EREG: variants seen among roughly 807,000 people sequenced by gnomAD.
EREG encodes epiregulin.
EREG carries 23 observed loss-of-function variants against 22.4 expected under a neutral mutation model. The ratio of observed to expected loss-of-function variants is 1.03; its 90% CI spans 0.74 to 1.46. EREG has a LOEUF of 1.46. EREG is among the 40% of genes most tolerant of loss of function. The pLI is 0.00. For missense variants in EREG, 226 were observed against 205.9 expected, an observed-to-expected ratio of 1.10 and a Z score of -0.60; for synonymous variants, 100 against 75.4, an observed-to-expected ratio of 1.33 and a Z score of -1.69.
At chr4:74,383,386 G>C (rs1752512756) in intron 4 of EREG, among the ~76,000 whole-genome samples, 1 of 152,072 alleles carries the variant, frequency 6.6e-6, no homozygotes, top group South Asian at 2.1e-4. Flanking sequence ...TTATCTTACA[G>C]TTTAAGGCAG....
chr4:74,374,138 T>C (rs780575015), intron 1 of EREG, among the ~76,000 whole-genome samples: 1 of 152,248 alleles, frequency 6.6e-6, no homozygotes, highest in African/African-American at 2.4e-5. Context: ...TGCACAAGTT[T>C]GCTTTTCTGG....
At position 74,379,481 on chromosome 4, in the gene EREG, CTG is replaced by C. The variant is rs773064799; in HGVS notation, c.104_105del (p.Val35AspfsTer11). On this transcript the variant is annotated frameshift_variant, in exon 2 of 5. Coordinates refer to ENST00000244869, the MANE Select transcript of EREG (RefSeq NM_001432.3). LOFTEE classifies it high-confidence loss of function. Reference sequence around the variant, plus strand: ...CTTCTACAGGCAGTCCTCAGTACAACTGTGATTCCATCATGTATCCCAGGAGA... The same window carrying C: ...CTTCTACAGGCAGTCCTCAGTACAACTGATTCCATCATGTATCCCAGGAGA... 2 of 1,612,276 alleles carry C rather than the reference CTG, an allele frequency of 1.2e-6. No individual in the cohort carries two copies.
intron 4 of EREG, among the ~76,000 whole-genome samples, chr4:74,383,465 A>G (rs1752514427): frequency 6.6e-6 from 1 of 152,210 alleles, no homozygotes; most frequent in Non-Finnish European, 1.5e-5. Flanking sequence ...CAGTCCCCCA[A>G]AACAGTCGTA....
In EREG at chr4:74,382,765, C is replaced by G; in HGVS notation, c.399C>G (p.Val133=). 10 of 1,613,346 alleles carry G rather than the reference C, an allele frequency of 6.2e-6. No homozygotes were observed. The highest frequency in any genetic ancestry group is 8.5e-6 in the Non-Finnish European group (10 of 1,179,694). ...TTATTATTTTGTTTCTTATCACAGT[C>G]GTCGGTTCCACATATTATTTCTGCA... ...VILIILFLIT[V]VGSTYYFCRW... The change falls in exon 4 of 5, where the codon GTC becomes GTG. Residue 133 remains valine (V), a synonymous_variant. Coordinates refer to ENST00000244869, the MANE Select transcript of EREG (RefSeq NM_001432.3).
chr4:74,372,800 ACTTTTTTTTT>A (rs905226066), intron 1 of EREG, among the ~76,000 whole-genome samples: 3 of 91,762 alleles, frequency 3.3e-5, no homozygotes, highest in Non-Finnish European at 4.2e-5. Context: ...TTTAAATTGT[ACTTTTTTTTT>A]TTTTTTTTTT....
At chr4:74,371,683 A>G (rs954674747) in intron 1 of EREG, among the ~76,000 whole-genome samples, 23 of 152,156 alleles carry the variant, frequency 1.5e-4, no homozygotes, top group Admixed American at 1.5e-3. Context: ...ATCTCCAAAT[A>G]AATTCTTATT....
chr4:74,378,291 G>T (rs138947357), intron 1 of EREG, among the ~76,000 whole-genome samples: 1 of 151,956 alleles, frequency 6.6e-6, no homozygotes, highest in Non-Finnish European at 1.5e-5. Flanking sequence ...TAGTTATCAC[G>T]CACCCTAGGC....
chr4:74,373,351 A>C (rs939442783), intron 1 of EREG, among the ~76,000 whole-genome samples: 1 of 152,038 alleles, frequency 6.6e-6, no homozygotes, highest in African/African-American at 2.4e-5. Context: ...CTAGAAACAC[A>C]TGGCATATTA....
chr4:74,377,813 C>T (rs981757386), intron 1 of EREG, among the ~76,000 whole-genome samples: 3 of 152,148 alleles, frequency 2.0e-5, no homozygotes, highest in African/African-American at 7.2e-5. Flanking sequence ...AGAACTCACT[C>T]ACTATCCTGA....
intron 4 of EREG, among the ~76,000 whole-genome samples, chr4:74,383,697 G>C (rs1159675743): frequency 6.6e-6 from 1 of 152,092 alleles, no homozygotes; most frequent in Non-Finnish European, 1.5e-5. Flanking sequence ...TGTGAAAGTA[G>C]TGCACTTCCA....
Position 74,379,515 on chromosome 4 carries a change from T to C in EREG, c.135T>C (p.Ser45=), listed in dbSNP as rs778394820. 1.2e-6 allele frequency: 2 copies of C among 1,608,286 alleles called. No individual in the cohort carries two copies. The highest frequency in any genetic ancestry group is 1.1e-5 in the South Asian group (1 of 90,972). Residue 45 remains serine, a synonymous_variant, in exon 2 of 5, where the codon AGT becomes AGC. Transcript: ENST00000244869. ...VIPSCIPGES[S]DNCTALVQTE... ...CATCATGTATCCCAGGAGAGTCCAG[T>C]GATAACTGCACAGCTTTAGGTAAGC...
At position 74,381,104 on chromosome 4, in the gene EREG, T is replaced by A. The variant is rs776578500; in HGVS notation, c.245T>A (p.Ile82Asn). The A allele has an allele frequency of 6.2e-7, 1 of 1,613,394 alleles. No individual in the cohort carries two copies. Among genetic ancestry groups the A allele is most frequent in the Non-Finnish European group, 8.5e-7 (1 of 1,179,652 alleles). Residue 82 changes from isoleucine (I) to asparagine (N), a missense_variant, in exon 3 of 5, where the codon ATC (isoleucine) becomes AAC (asparagine). By Grantham distance (149) the Ile-to-Asn change is moderately radical. Coordinates refer to ENST00000244869, the MANE Select transcript of EREG (RefSeq NM_001432.3). ...GGCTATTGTTTGCATGGACAGTGCA[T>A]CTATCTGGTGGACATGAGTCAAAAC... is the stretch of plus-strand genomic sequence containing the variant. ...MNGYCLHGQCIYLVDMSQNYC... is the reference protein window; with the variant it reads ...MNGYCLHGQCNYLVDMSQNYC...
chr4:74,375,306 CTTTTTTTTTTTTT>C (rs71219383), intron 1 of EREG, among the ~76,000 whole-genome samples: 8 of 61,012 alleles, frequency 1.3e-4, no homozygotes, highest in African/African-American at 4.3e-4. Flanking sequence ...ACTAGCGATT[CTTTTTTTTTTTTT>C]TTTTTTTTTT....
At chr4:74,368,753 T>C (rs540451457) in intron 1 of EREG, among the ~76,000 whole-genome samples, 1 of 152,214 alleles carries the variant, frequency 6.6e-6, no homozygotes, top group Non-Finnish European at 1.5e-5. Flanking sequence ...ACTTTGAGTG[T>C]AGGCCTGTAC....
chr4:74,371,799 C>T (rs947794298), intron 1 of EREG, among the ~76,000 whole-genome samples: 2 of 151,794 alleles, frequency 1.3e-5, no homozygotes, highest in Admixed American at 6.6e-5. Flanking sequence ...TGCCCAAATG[C>T]CACCACAAGC....
intron 1 of EREG, among the ~76,000 whole-genome samples, chr4:74,376,953 C>T (rs139737509): frequency 3.6e-4 from 55 of 152,206 alleles, no homozygotes; most frequent in African/African-American, 1.3e-3. Context: ...AATATACAAT[C>T]GGCTTAACAG....
chr4:74,381,779 A>G (rs934316262), intron 3 of EREG: 3 of 147,590 alleles, frequency 2.0e-5, no homozygotes, highest in African/African-American at 7.5e-5. Flanking sequence ...GATCAAGACC[A>G]TCCTGGCGAA....
At chr4:74,378,192 T>G (rs950457976) in intron 1 of EREG, among the ~76,000 whole-genome samples, 22 of 152,304 alleles carry the variant, frequency 1.4e-4, no homozygotes, top group African/African-American at 5.3e-4. Context: ...CCTTCTCATA[T>G]TAGATAGGAT....
intron 2 of EREG, among the ~76,000 whole-genome samples, chr4:74,379,888 C>CAGAA (rs1374554194): frequency 6.6e-6 from 1 of 152,156 alleles, no homozygotes; most frequent in East Asian, 1.9e-4. Context: ...AAACTTTGTA[C>CAGAA]AGAATAGGTT....
Sources: gnomAD v4.1 joint callset for allele counts (sites outside exome capture counted in the v4.1 genomes callset) on GRCh38, gnomAD v4.1.1 for gene constraint, MANE v1.5 for transcripts, NCBI Gene and HGNC (gene_info 2026-07-23, HGNC 2026-07-21) for gene names.